The following ARFIP1 variants were observed in gnomAD, a reference collection of about 807,000 sequenced individuals.
ARFIP1 encodes arfaptin-1.
Under a neutral mutation model 42.5 loss-of-function variants are expected in ARFIP1, and 24 were observed. The ratio of observed to expected loss-of-function variants is 0.57; its 90% confidence interval spans 0.41 to 0.80. The LOEUF is 0.80. Ranked by LOEUF, ARFIP1 falls within the 30% of genes least tolerant of loss-of-function variation. ARFIP1 has a pLI of 0.00. For missense variants in ARFIP1, 354 were observed against 434.0 expected (o/e 0.82, Z 1.64); for synonymous variants, 141 against 153.7 (o/e 0.92, Z 0.61).
chr4:152,879,162 TA>T (rs1561164764), intron 5 of ARFIP1, among the ~76,000 whole-genome samples: 1 of 151,688 alleles, frequency 6.6e-6, no homozygotes, highest in African/African-American at 2.4e-5. Context: ...TCTCTACTTT[TA>T]AAAAATAACA....
chr4:152,871,187 A>C (rs2149883349), intron 4 of ARFIP1, among the ~76,000 whole-genome samples: 2 of 152,222 alleles, frequency 1.3e-5, no homozygotes, highest in East Asian at 3.9e-4. Context: ...TCTGCCTTCT[A>C]TTTTCAGTTA....
At chr4:152,824,751 G>T (rs568576362) in intron 1 of ARFIP1, among the ~76,000 whole-genome samples, 2 of 152,208 alleles carry the variant, frequency 1.3e-5, no homozygotes, top group East Asian at 3.9e-4. Flanking sequence ...GAGGAAGTCC[G>T]GTGATCTCTG....
intron 8 of ARFIP1, among the ~76,000 whole-genome samples, chr4:152,893,528 G>A (rs1343069331): frequency 6.6e-6 from 1 of 152,100 alleles, no homozygotes; most frequent in Non-Finnish European, 1.5e-5. Context: ...AATCTCAAGG[G>A]CAATGAATAT....
intron 1 of ARFIP1, among the ~76,000 whole-genome samples, chr4:152,793,637 A>T (rs1382645258): frequency 6.6e-6 from 1 of 152,184 alleles, no homozygotes; most frequent in African/African-American, 2.4e-5. Context: ...GAACAATTAT[A>T]ACAACATATT....
At chr4:152,829,599 G>T in intron 1 of ARFIP1, 26 bp from the exon 2 acceptor site, 1 of 1,509,436 alleles carries the variant, frequency 6.6e-7, no homozygotes, top group Non-Finnish European at 9.1e-7. Context: ...ATTAGTTACG[G>T]CGCTTTTTTT....
At chr4:152,904,436 C>T (rs1310668799) in intron 8 of ARFIP1, among the ~76,000 whole-genome samples, 1 of 151,962 alleles carries the variant, frequency 6.6e-6, no homozygotes. Context: ...GTGATCTGCC[C>T]GCCTCGGCCT....
chr4:152,808,136 A>G (rs964580369), intron 1 of ARFIP1, among the ~76,000 whole-genome samples: 2 of 151,644 alleles, frequency 1.3e-5, no homozygotes, highest in African/African-American at 4.8e-5. Context: ...ATGCGCCACC[A>G]CGCCTGGCTA....
At chr4:152,875,693 T>G (rs1424662261) in intron 5 of ARFIP1, among the ~76,000 whole-genome samples, 1 of 152,072 alleles carries the variant, frequency 6.6e-6, no homozygotes, top group Admixed American at 6.6e-5. Context: ...ATTCTTTTGC[T>G]TGTACTTAAA....
intron 2 of ARFIP1, among the ~76,000 whole-genome samples, chr4:152,861,876 C>T (rs1210598871): frequency 6.6e-6 from 1 of 151,968 alleles, no homozygotes; most frequent in Non-Finnish European, 1.5e-5. Context: ...TAAATTTCAT[C>T]CCTTCTGTCT....
At position 152,786,696 on chromosome 4, in the gene ARFIP1, A is replaced by G. The variant is rs115077882; in HGVS notation, c.-10+6470A>G. On this transcript the variant is annotated intron_variant, in intron 1 of 8. Transcript: ENST00000353617. ...TCCCCCAGTGCTTTTATGGCTTTCCATTGCTTCTAGGATCAAAATAAAACT... is the reference window on the plus strand; with the variant it reads ...TCCCCCAGTGCTTTTATGGCTTTCCGTTGCTTCTAGGATCAAAATAAAACT... Among the ~76,000 whole-genome samples, 845 of 152,226 alleles carry G rather than the reference A, an allele frequency of 5.6e-3. 6 individuals carry two copies. Among genetic ancestry groups the G allele is most frequent in the African/African-American group, 0.02 (812 of 41,532 alleles).
At chr4:152,801,864 G>A (rs1159434098) in intron 1 of ARFIP1, among the ~76,000 whole-genome samples, 1 of 152,132 alleles carries the variant, frequency 6.6e-6, no homozygotes, top group Admixed American at 6.5e-5. Flanking sequence ...ATATATAGGT[G>A]AGGTTAAAAA....
At chr4:152,861,190 G>A (rs752581242) in intron 2 of ARFIP1, among the ~76,000 whole-genome samples, 6 of 152,136 alleles carry the variant, frequency 3.9e-5, no homozygotes, top group Non-Finnish European at 7.4e-5. Context: ...CATGCTCTGG[G>A]CCTGGGTACC....
At chr4:152,791,335 T>C (rs147988381) in intron 1 of ARFIP1, among the ~76,000 whole-genome samples, 120 of 152,336 alleles carry the variant, frequency 7.9e-4, no homozygotes, top group African/African-American at 2.8e-3. Flanking sequence ...AAAATCATTT[T>C]AAATTGTTTT....
At chr4:152,808,146 A>C (rs1482229894) in intron 1 of ARFIP1, among the ~76,000 whole-genome samples, 1 of 150,696 alleles carries the variant, frequency 6.6e-6, no homozygotes, top group Non-Finnish European at 1.5e-5. Context: ...ACGCCTGGCT[A>C]TTTTTGTATT....
chr4:152,783,520 C>T (rs1002206925), intron 1 of ARFIP1, among the ~76,000 whole-genome samples: 4 of 152,104 alleles, frequency 2.6e-5, no homozygotes, highest in Admixed American at 6.6e-5. Flanking sequence ...GAAAATAAAG[C>T]TGAATGATTA....
At chr4:152,874,848 A>T (rs777305269) in intron 5 of ARFIP1, among the ~76,000 whole-genome samples, 1 of 152,014 alleles carries the variant, frequency 6.6e-6, no homozygotes, top group Non-Finnish European at 1.5e-5. Flanking sequence ...TTTTTTGTGG[A>T]GAGCGAGTCT....
At chr4:152,855,934 CTG>C (rs199860549) in intron 2 of ARFIP1, among the ~76,000 whole-genome samples, 2,662 of 152,280 alleles carry the variant, frequency 0.017, 26 homozygotes, top group Non-Finnish European at 0.029. Context: ...TAGATATTTC[CTG>C]TCACTTTTCT....
At chr4:152,794,321 A>G (rs1360331015) in intron 1 of ARFIP1, among the ~76,000 whole-genome samples, 2 of 152,164 alleles carry the variant, frequency 1.3e-5, no homozygotes, top group African/African-American at 4.8e-5. Flanking sequence ...TTTTATGACT[A>G]TGACACTTTT....
At chr4:152,828,364 T>C (rs1216033822) in intron 1 of ARFIP1, among the ~76,000 whole-genome samples, 1 of 152,248 alleles carries the variant, frequency 6.6e-6, no homozygotes, top group African/African-American at 2.4e-5. Flanking sequence ...CACATCCTTG[T>C]CAGCATTTGG....
Sources: allele counts gnomAD v4.1 joint callset (sites outside exome capture counted in the v4.1 genomes callset), GRCh38; gene constraint gnomAD v4.1.1; transcripts MANE v1.5; gene names NCBI Gene and HGNC (gene_info 2026-07-23, HGNC 2026-07-21).